PTCD3: variants seen among roughly 807,000 people sequenced by gnomAD.
PTCD3 encodes pentatricopeptide repeat domain 3.
PTCD3 carries 89 observed loss-of-function variants against 101.9 expected under a neutral mutation model. The ratio of observed to expected loss-of-function variants is 0.87; its 90% CI spans 0.74 to 1.04. PTCD3 has a LOEUF of 1.04. Ranked by LOEUF, PTCD3 falls within the 50% of genes least tolerant of loss-of-function variation. The pLI is 0.00. For synonymous variants in PTCD3, 296 were observed against 278.5 expected (o/e 1.06, Z -0.63); for missense variants, 870 against 828.2 (o/e 1.05, Z -0.62).
At chr2:86,117,476 A>G (rs1463557953) in intron 6 of PTCD3, among the ~76,000 whole-genome samples, 2 of 147,376 alleles carry the variant, frequency 1.4e-5, no homozygotes, top group African/African-American at 5.0e-5. Flanking sequence ...TTGAAACGGC[A>G]TCATGCTGTC....
At chr2:86,125,573 G>A in intron 11 of PTCD3, 58 bp downstream of exon 11, 2 of 1,513,560 alleles carry the variant, frequency 1.3e-6, no homozygotes, top group African/African-American at 2.7e-5. Context: ...AATTGTCTGT[G>A]TGAAGGCTTT....
chr2:86,108,488 T>C lies in PTCD3; in HGVS notation c.158-12T>C, dbSNP rs377093712. 2 of 1,591,964 alleles carry C rather than the reference T, an allele frequency of 1.3e-6. No homozygotes were observed. Among genetic ancestry groups the C allele is most frequent in the Non-Finnish European group, 1.7e-6 (2 of 1,173,886 alleles). On this transcript the variant is annotated splice_polypyrimidine_tract_variant and intron_variant, in intron 2 of 23. Coordinates refer to ENST00000254630, the MANE Select transcript of PTCD3 (RefSeq NM_017952.6). ...ACTAGGAAACTGATTCATGTTTTCT[T>C]TTTTACATTAGGGATTGAAGAAGTA... is the stretch of plus-strand genomic sequence containing the variant.
intron 8 of PTCD3, 125 bp downstream of exon 8, chr2:86,121,719 G>A: frequency 1.8e-6 from 1 of 544,374 alleles, no homozygotes; most frequent in Non-Finnish European, 3.2e-6. Context: ...GAGATGTGTG[G>A]TACGATAGCC....
intron 12 of PTCD3, 46 bp downstream of exon 12, chr2:86,125,926 C>T (rs1674376753): frequency 2.2e-6 from 3 of 1,350,098 alleles, no homozygotes; most frequent in African/African-American, 1.4e-5. Context: ...CTTAAATACT[C>T]TTTACCAGAA....
intron 19 of PTCD3, 45 bp downstream of exon 19, chr2:86,133,481 TC>T: frequency 6.7e-7 from 1 of 1,492,132 alleles, no homozygotes; most frequent in Non-Finnish European, 9.3e-7. Flanking sequence ...CACCTCAATA[TC>T]CTCTACTTTG....
rs1356975493 is a variant in PTCD3 at position 86,123,715 on chromosome 2, T to C, written c.669T>C (p.Asp223=). ...ATTCATTTCAGGAAGAGGAAAATGA[T>C]GAGACATCTAGGAGGAAAGCTGGTC... The part of the protein sequence containing the change: ...GQSEALEEEN[D]ETSRRKAGHQ... The change falls in exon 9 of 24, where the codon GAT becomes GAC. Residue 223 remains aspartate, a synonymous_variant. Coordinates refer to ENST00000254630, the MANE Select transcript of PTCD3 (RefSeq NM_017952.6). The C allele has an allele frequency of 6.3e-6, 10 of 1,594,488 alleles. No individual in the cohort carries two copies. The highest frequency in any genetic ancestry group is 8.5e-6 in the Non-Finnish European group (10 of 1,172,626).
rs146892984 is a variant in PTCD3, at chr2:86,113,406, CTT to C, written c.240+2254_240+2255del. Among the ~76,000 whole-genome samples the C allele has an allele frequency of 6.8e-3, 1,032 of 152,172 alleles. 13 individuals carry two copies. The highest frequency in any genetic ancestry group is 0.023 in the African/African-American group (957 of 41,506). ...GGGGAAAAGTCTAAAATAATTAAGT[CTT>C]TTTTTCTGCCACAGTATCTGTATGG... On this transcript the variant is annotated intron_variant, in intron 4 of 23. Coordinates refer to ENST00000254630, the MANE Select transcript of PTCD3 (RefSeq NM_017952.6).
chr2:86,135,122 A>G, intron 21 of PTCD3, 135 bp downstream of exon 21: 1 of 1,027,408 alleles, frequency 9.7e-7, no homozygotes, highest in Non-Finnish European at 1.4e-6. Flanking sequence ...ATACCAACTA[A>G]AAAGCAAACT....
chr2:86,124,987 G>A lies in PTCD3; in HGVS notation c.717-8G>A, dbSNP rs772919035. 2 of 1,613,558 alleles carry A rather than the reference G, an allele frequency of 1.2e-6. No homozygotes were observed. Among genetic ancestry groups the A allele is most frequent in the East Asian group, 2.2e-5 (1 of 44,856 alleles). On this transcript the variant is annotated splice_polypyrimidine_tract_variant and splice_region_variant and intron_variant, in intron 9 of 23. Transcript: ENST00000254630. ...TGCCTGGGTTCACATTTACTCTCTT[G>A]TGTCTAGAGCAAAAAACAACGCTGA... is the stretch of plus-strand genomic sequence containing the variant.
rs892004259 is a variant in PTCD3 at position 86,134,538 on chromosome 2, C to G, written c.1629+161C>G. Among the ~76,000 whole-genome samples the G allele has an allele frequency of 3.9e-5, 6 of 152,274 alleles. 1 individual carries two copies. The South Asian group carries it at 1.2e-3, about 32-fold the overall frequency. On this transcript the variant is annotated intron_variant, in intron 20 of 23. Coordinates refer to ENST00000254630, the MANE Select transcript of PTCD3 (RefSeq NM_017952.6). ...ATCTTGCCCTTAGCAGAAATCTGTT[C>G]TTAAAGTTACCCTCTTTCCTGTAGT...
intron 17 of PTCD3, 101 bp downstream of exon 17, chr2:86,132,525 A>G (rs2104461018): frequency 1.3e-6 from 1 of 769,634 alleles, no homozygotes. Context: ...TTCAGGCAAC[A>G]TGCCAATGAT....
Position 86,116,599 on chromosome 2 carries a change from G to C in PTCD3, c.309+1G>C. Reference sequence around the variant, plus strand: ...TATGCCAGCATCATCTTTGGAATCTGTGAGTATTTTCATATAATTTTCTAG... The same window carrying C: ...TATGCCAGCATCATCTTTGGAATCTCTGAGTATTTTCATATAATTTTCTAG... On this transcript the variant is annotated splice_donor_variant, in intron 5 of 23. Transcript: ENST00000254630. LOFTEE classifies it high-confidence loss of function. 1.2e-6 allele frequency: 2 copies of C among 1,600,040 alleles called. No homozygotes were observed. Among genetic ancestry groups the C allele is most frequent in the Non-Finnish European group, 1.7e-6 (2 of 1,167,350 alleles).
intron 4 of PTCD3, among the ~76,000 whole-genome samples, chr2:86,114,341 G>A (rs1339563182): frequency 6.6e-6 from 1 of 151,440 alleles, no homozygotes; most frequent in African/African-American, 2.4e-5. Context: ...AGGCTGGAGT[G>A]CAGTGGCGCA....
intron 13 of PTCD3, 188 bp downstream of exon 13, chr2:86,127,493 C>A: frequency 6.5e-6 from 4 of 617,694 alleles, no homozygotes; most frequent in Non-Finnish European, 1.1e-5. Flanking sequence ...TCTTAGTGTT[C>A]ATTAGTATTT....
chr2:86,123,064 CCTGGCT>C (rs1458187646), intron 8 of PTCD3, among the ~76,000 whole-genome samples: 71 of 152,128 alleles, frequency 4.7e-4, no homozygotes, highest in African/African-American at 1.6e-3. Context: ...TCGAGACCAT[CCTGGCT>C]AACATGGTGA....
rs746574617 is a variant in PTCD3, at chr2:86,123,725, AG to A, written c.681del (p.Arg228GlyfsTer23). The A allele has an allele frequency of 1.9e-6, 3 of 1,597,874 alleles. No homozygotes were observed. The highest frequency in any genetic ancestry group is 4.5e-5 in the East Asian group (2 of 44,470). On this transcript the variant is annotated frameshift_variant, in exon 9 of 24. Transcript: ENST00000254630. LOFTEE classifies it high-confidence loss of function. Reference sequence around the variant, plus strand: ...GGAAGAGGAAAATGATGAGACATCTAGGAGGAAAGCTGGTCATCAGTTTGGA... The same window carrying A: ...GGAAGAGGAAAATGATGAGACATCTAGAGGAAAGCTGGTCATCAGTTTGGA... ...ALEEENDETSRRKAGHQFGVT... is the reference protein window; with the variant it reads ...ALEEENDETSXRKAGHQFGVT...
In PTCD3 at chr2:86,114,303, A is replaced by G. The variant is rs531466868; in HGVS notation, c.241-2227A>G. On this transcript the variant is annotated intron_variant, in intron 4 of 23. Coordinates refer to ENST00000254630, the MANE Select transcript of PTCD3 (RefSeq NM_017952.6). ...TTTTTTTCTTTCTTTTTTTTTTTTT[A>G]AAGAGACGGAGTCTCCCTCTGTCAC... Among the ~76,000 whole-genome samples the G allele has an allele frequency of 2.0e-3, 304 of 149,442 alleles. 1 individual carries two copies. The highest frequency in any genetic ancestry group is 6.9e-3 in the African/African-American group (276 of 40,226).
At chr2:86,106,410 T>G in intron 1 of PTCD3, 59 bp downstream of exon 1, 1 of 1,536,646 alleles carries the variant, frequency 6.5e-7, no homozygotes, top group Non-Finnish European at 8.9e-7. Context: ...GTCCTATGTT[T>G]CCCAGCTGGC....
rs957475990 is a variant in PTCD3, at chr2:86,138,471, G to T, written c.*912G>T. ...GTACCTGGCTCCCAGATTTACTTAG[G>T]TACCCCACGAGTTGTCCACATAAGC... On this transcript the variant is annotated 3_prime_UTR_variant, in exon 24 of 24. Coordinates refer to ENST00000254630, the MANE Select transcript of PTCD3 (RefSeq NM_017952.6). 1.3e-5 allele frequency: 2 copies of T among 152,132 alleles called. No individual in the cohort carries two copies. The highest frequency in any genetic ancestry group is 4.8e-5 in the African/African-American group (2 of 41,424). The allele number at this position is 152,132 out of a possible 1,614,324, so 9.4% of individuals were successfully genotyped here.
Sources: allele counts gnomAD v4.1 joint callset (sites outside exome capture counted in the v4.1 genomes callset), GRCh38; gene constraint gnomAD v4.1.1; transcripts MANE v1.5; gene names NCBI Gene and HGNC (gene_info 2026-07-23, HGNC 2026-07-21).